Variants in TNS3 observed in about 807,000 individuals in gnomAD.
TNS3 encodes the protein tensin 3.
Under a neutral mutation model 140.9 loss-of-function variants are expected in TNS3, and 45 were observed. The ratio of observed to expected loss-of-function variants is 0.32; its 90% CI spans 0.25 to 0.41. The LOEUF is 0.41. Among genes scored for constraint, TNS3 ranks in the 10% least tolerant of loss-of-function variants. The probability of loss-of-function intolerance (pLI) is 1.00; values close to 1 mark genes in which losing one functional copy is unlikely to be tolerated. For synonymous variants in TNS3, 815 were observed against 788.4 expected (o/e 1.03, Z -0.56); for missense variants, 1,716 against 1,906.7 (o/e 0.90, Z 1.86).
intron 20 of TNS3, among the ~76,000 whole-genome samples, chr7:47,331,944 G>A (rs1269362735): frequency 2.0e-5 from 3 of 152,246 alleles, no homozygotes; most frequent in Non-Finnish European, 4.4e-5. Context: ...GGGCACCTTG[G>A]TAATGCCCTC....
intron 2 of TNS3, among the ~76,000 whole-genome samples, chr7:47,522,047 G>A (rs759698666): frequency 1.3e-5 from 2 of 152,216 alleles, no homozygotes; most frequent in Non-Finnish European, 1.5e-5. Context: ...TGGAGCAGCA[G>A]GCAGGGCTGG....
At chr7:47,520,320 A>G (rs1304987417) in intron 2 of TNS3, among the ~76,000 whole-genome samples, 1 of 152,204 alleles carries the variant, frequency 6.6e-6, no homozygotes, top group Non-Finnish European at 1.5e-5. Flanking sequence ...ATCCATCTGA[A>G]TAAACCAACA....
At chr7:47,412,753 C>A (rs1237614811) in intron 12 of TNS3, among the ~76,000 whole-genome samples, 2 of 151,942 alleles carry the variant, frequency 1.3e-5, no homozygotes, top group Non-Finnish European at 2.9e-5. Context: ...TGACTGGGGA[C>A]AGAAAATATT....
intron 17 of TNS3, among the ~76,000 whole-genome samples, chr7:47,358,463 C>T (rs1158354365): frequency 2.0e-5 from 3 of 152,194 alleles, no homozygotes; most frequent in African/African-American, 7.2e-5. Context: ...ATCACTGTGG[C>T]GTTTATTATC....
intron 25 of TNS3, among the ~76,000 whole-genome samples, chr7:47,293,345 G>A (rs1034475760): frequency 1.3e-5 from 2 of 152,180 alleles, no homozygotes; most frequent in African/African-American, 4.8e-5. Flanking sequence ...TCGTGAGGTA[G>A]GGAAGGCTCC....
intron 12 of TNS3, among the ~76,000 whole-genome samples, chr7:47,412,592 T>C (rs751234947): frequency 3.3e-5 from 5 of 151,986 alleles, no homozygotes; most frequent in Non-Finnish European, 7.4e-5. Context: ...CGAGATGCTC[T>C]CTCAAAAAAA....
intron 18 of TNS3, 30 bp from the exon 19 acceptor site, chr7:47,345,068 G>A (rs768800650): frequency 1.8e-5 from 29 of 1,580,094 alleles, no homozygotes; most frequent in Non-Finnish European, 2.3e-5. Flanking sequence ...TAGAATGTGA[G>A]AACAGGGAGT....
At chr7:47,307,893 GT>G (rs1332537618) in intron 20 of TNS3, among the ~76,000 whole-genome samples, 1 of 152,092 alleles carries the variant, frequency 6.6e-6, no homozygotes, top group African/African-American at 2.4e-5. Flanking sequence ...TTCTGAGTCT[GT>G]TGCCTGTGCA....
chr7:47,355,109 C>A (rs531446020), intron 17 of TNS3, among the ~76,000 whole-genome samples: 2 of 152,352 alleles, frequency 1.3e-5, no homozygotes, highest in East Asian at 3.9e-4. Flanking sequence ...GTGGAGCCGG[C>A]GTCAAGGACA....
intron 1 of TNS3, among the ~76,000 whole-genome samples, chr7:47,549,713 G>A (rs574248778): frequency 2.6e-5 from 4 of 152,172 alleles, no homozygotes; most frequent in East Asian, 1.9e-4. Context: ...TACAGTCATC[G>A]GGTATGAAAA....
intron 23 of TNS3, among the ~76,000 whole-genome samples, chr7:47,300,307 G>T (rs1786319689): frequency 6.6e-6 from 1 of 152,134 alleles, no homozygotes; most frequent in African/African-American, 2.4e-5. Flanking sequence ...TATCCTTTTA[G>T]AGCTCAGCTG....
intron 1 of TNS3, among the ~76,000 whole-genome samples, chr7:47,580,602 A>T (rs1784505717): frequency 7.1e-6 from 1 of 140,624 alleles, no homozygotes; most frequent in Non-Finnish European, 1.5e-5. Context: ...AGCTGCAGCG[A>T]CTCCCCACCC....
At chr7:47,548,377 C>T (rs1024876485) in intron 1 of TNS3, among the ~76,000 whole-genome samples, 1 of 152,184 alleles carries the variant, frequency 6.6e-6, no homozygotes, top group Non-Finnish European at 1.5e-5. Context: ...TCCTCAAAGG[C>T]TGACTATAGT....
At chr7:47,438,025 G>A (rs998359980) in intron 6 of TNS3, among the ~76,000 whole-genome samples, 2 of 135,376 alleles carry the variant, frequency 1.5e-5, no homozygotes, top group African/African-American at 2.5e-5. Context: ...AAATACTCAA[G>A]TAGTTCAAAA....
intron 16 of TNS3, among the ~76,000 whole-genome samples, chr7:47,390,170 G>A (rs1269700426): frequency 6.6e-6 from 1 of 152,226 alleles, no homozygotes; most frequent in Non-Finnish European, 1.5e-5. Flanking sequence ...AAAAAGCAGA[G>A]CCAAGACTGA....
At chr7:47,547,312 G>A (rs1799948563) in intron 1 of TNS3, among the ~76,000 whole-genome samples, 1 of 152,158 alleles carries the variant, frequency 6.6e-6, no homozygotes, top group African/African-American at 2.4e-5. Flanking sequence ...AGAGAGATAA[G>A]GGGCCTGTGT....
intron 4 of TNS3, among the ~76,000 whole-genome samples, chr7:47,450,628 G>C (rs80115080): frequency 0.048 from 7,331 of 152,262 alleles, 239 homozygotes; most frequent in Non-Finnish European, 0.072. Context: ...CTCTTCCCAG[G>C]GGGGCTCTGA....
chr7:47,405,240 C>T (rs71545991), intron 13 of TNS3, among the ~76,000 whole-genome samples: 4,030 of 152,296 alleles, frequency 0.026, 93 homozygotes, highest in Non-Finnish European at 0.037. Context: ...CAATGCCAGC[C>T]GTTGCTGGGC....
chr7:47,540,570 G>A (rs1344613800), intron 1 of TNS3, among the ~76,000 whole-genome samples: 1 of 152,152 alleles, frequency 6.6e-6, no homozygotes, highest in Non-Finnish European at 1.5e-5. Context: ...GTGTGTGCTC[G>A]ATGTCAGAGG....
Sources: gnomAD v4.1 joint callset for allele counts (sites outside exome capture counted in the v4.1 genomes callset) on GRCh38, gnomAD v4.1.1 for gene constraint, MANE v1.5 for transcripts, NCBI Gene and HGNC (gene_info 2026-07-23, HGNC 2026-07-21) for gene names.